Variants in PCP4 observed in about 807,000 individuals in gnomAD.
PCP4 encodes the protein calmodulin regulator protein PCP4.
Under a neutral mutation model 10.0 loss-of-function variants are expected in PCP4, and 8 were observed. The ratio of observed to expected loss-of-function variants is 0.80; its 90% confidence interval spans 0.47 to 1.45. The LOEUF (loss-of-function observed/expected upper bound fraction) is 1.45, where lower values mean the gene tolerates loss of function less well. Among genes scored for constraint, PCP4 ranks in the 40% most tolerant of loss-of-function variants. The pLI is 0.00. For missense variants in PCP4, 54 were observed against 74.4 expected (o/e 0.73, Z 1.01); for synonymous variants, 21 against 23.0 (o/e 0.91, Z 0.24).
intron 1 of PCP4, among the ~76,000 whole-genome samples, chr21:39,869,798 T>G (rs1185677996): frequency 6.6e-6 from 1 of 152,258 alleles, no homozygotes; most frequent in African/African-American, 2.4e-5. Context: ...TTTGGTTGGA[T>G]GAATTAAATG....
chr21:39,894,092 C>T (rs181813511), intron 1 of PCP4, among the ~76,000 whole-genome samples: 1 of 152,026 alleles, frequency 6.6e-6, no homozygotes, highest in African/African-American at 2.4e-5. Flanking sequence ...GGGTGTCGGG[C>T]TGGAGATGAT....
At chr21:39,911,320 C>G (rs1439306535) in intron 2 of PCP4, among the ~76,000 whole-genome samples, 1 of 151,450 alleles carries the variant, frequency 6.6e-6, no homozygotes. Context: ...GCATTTCCAA[C>G]TATCTGACAG....
chr21:39,887,663 C>T (rs1028059235), intron 1 of PCP4, among the ~76,000 whole-genome samples: 15 of 152,168 alleles, frequency 9.9e-5, no homozygotes, highest in African/African-American at 2.4e-4. Context: ...TCTTCAGCTA[C>T]GTGCTTACCT....
At chr21:39,921,002 C>G (rs1233207040) in intron 2 of PCP4, among the ~76,000 whole-genome samples, 1 of 152,200 alleles carries the variant, frequency 6.6e-6, no homozygotes, top group African/African-American at 2.4e-5. Context: ...CTATTACTTA[C>G]TTGTGCATTT....
chr21:39,898,213 C>G, intron 1 of PCP4: 1 of 505,450 alleles, frequency 2.0e-6, no homozygotes, highest in East Asian at 3.5e-5. Flanking sequence ...TGTGCTTGAT[C>G]TCCCTCCTGG....
chr21:39,898,596 C>T (rs2075719), intron 2 of PCP4, 69 bp downstream of exon 2: 150,081 of 1,194,676 alleles, frequency 0.13, 10,454 homozygotes, highest in South Asian at 0.21. Context: ...GCAGCAGGTG[C>T]GGATCATACA....
chr21:39,868,644 GTC>G (rs754979117), intron 1 of PCP4, among the ~76,000 whole-genome samples: 1 of 152,192 alleles, frequency 6.6e-6, no homozygotes, highest in Non-Finnish European at 1.5e-5. Flanking sequence ...GTGTCAGGCT[GTC>G]TCTGCATCTG....
At chr21:39,925,626 T>C (rs914596557) in intron 2 of PCP4, among the ~76,000 whole-genome samples, 1 of 152,134 alleles carries the variant, frequency 6.6e-6, no homozygotes, top group East Asian at 1.9e-4. Context: ...GGCGTGCCCC[T>C]AGGGGACATA....
chr21:39,925,727 CCTGTA>C (rs2087617829), intron 2 of PCP4, among the ~76,000 whole-genome samples: 1 of 152,144 alleles, frequency 6.6e-6, no homozygotes, highest in African/African-American at 2.4e-5. Context: ...GAAAGGGCCC[CCTGTA>C]CTGCTCGTGG....
chr21:39,890,809 CCT>C (rs1421450007), intron 1 of PCP4, among the ~76,000 whole-genome samples: 1 of 152,094 alleles, frequency 6.6e-6, no homozygotes, highest in Non-Finnish European at 1.5e-5. Context: ...GCCTTGCTTG[CCT>C]TATCCAGTGG....
chr21:39,913,045 C>T (rs1466600605), intron 2 of PCP4, among the ~76,000 whole-genome samples: 2 of 152,136 alleles, frequency 1.3e-5, no homozygotes, highest in Non-Finnish European at 2.9e-5. Flanking sequence ...GTCCAGGTTA[C>T]TATATGTAGT....
chr21:39,922,372 A>G (rs1348028225), intron 2 of PCP4, among the ~76,000 whole-genome samples: 3 of 152,196 alleles, frequency 2.0e-5, no homozygotes, highest in Non-Finnish European at 4.4e-5. Flanking sequence ...CTCTTGTGAC[A>G]TAATAAAACA....
intron 2 of PCP4, among the ~76,000 whole-genome samples, chr21:39,913,565 CT>C (rs2087551614): frequency 6.6e-6 from 1 of 152,202 alleles, no homozygotes; most frequent in Non-Finnish European, 1.5e-5. Context: ...GCGTCTATTT[CT>C]GCTCTGCCAT....
In PCP4 at chr21:39,927,100, C is replaced by T. The variant is rs1156966486; in HGVS notation, c.62-1884C>T. 5.3e-5 allele frequency among the ~76,000 whole-genome samples: 8 copies of T among 151,910 alleles called. No individual in the cohort carries two copies. The East Asian group carries it at 1.4e-3, about 26-fold the overall frequency. On this transcript the variant is annotated intron_variant, in intron 2 of 2. Transcript: ENST00000328619. Reference sequence around the variant, plus strand: ...AAGCCAGAGCTGACATTCCCTCCTCCTAGGTGAGAGGATGATTGAAGGGTC... The same window carrying T: ...AAGCCAGAGCTGACATTCCCTCCTCTTAGGTGAGAGGATGATTGAAGGGTC...
chr21:39,889,278 G>A (rs1162814055), intron 1 of PCP4, among the ~76,000 whole-genome samples: 3 of 152,060 alleles, frequency 2.0e-5, no homozygotes, highest in Non-Finnish European at 2.9e-5. Context: ...GGCACCCTAA[G>A]AAATTTGGAG....
intron 1 of PCP4, among the ~76,000 whole-genome samples, chr21:39,884,667 T>TACAAAA (rs2087391358): frequency 6.6e-6 from 1 of 151,816 alleles, no homozygotes; most frequent in Non-Finnish European, 1.5e-5. Context: ...CGTGGTGGCA[T>TACAAAA]GTGCCTGTAA....
chr21:39,911,528 C>T (rs184743496), intron 2 of PCP4, among the ~76,000 whole-genome samples: 150 of 152,276 alleles, frequency 9.9e-4, no homozygotes, highest in African/African-American at 3.2e-3. Flanking sequence ...AGTGTGACTG[C>T]GATCTTTCAG....
rs576935830 is a variant in PCP4, at chr21:39,891,432, A to G, written c.10-7044A>G. Among the ~76,000 whole-genome samples the G allele has an allele frequency of 4.9e-4, 74 of 152,346 alleles. 1 individual carries two copies. Among genetic ancestry groups the G allele is most frequent in the African/African-American group, 1.3e-3 (55 of 41,580 alleles). Reference sequence around the variant, plus strand: ...TTTGCATGGTCCAGATGCATGGGGAATTGGTGCTCTGTGGAGCACCTTGGA... The same window carrying G: ...TTTGCATGGTCCAGATGCATGGGGAGTTGGTGCTCTGTGGAGCACCTTGGA... On this transcript the variant is annotated intron_variant, in intron 1 of 2. Transcript: ENST00000328619.
intron 2 of PCP4, among the ~76,000 whole-genome samples, chr21:39,908,696 G>C (rs556518513): frequency 2.6e-3 from 391 of 152,270 alleles, no homozygotes; most frequent in African/African-American, 9.1e-3. Flanking sequence ...AGGAGGGTGG[G>C]AGTGCCCGCG....
Sources: gnomAD v4.1 joint callset for allele counts (sites outside exome capture counted in the v4.1 genomes callset) on GRCh38, gnomAD v4.1.1 for gene constraint, MANE v1.5 for transcripts, NCBI Gene and HGNC (gene_info 2026-07-23, HGNC 2026-07-21) for gene names.